Variants in GAB2 observed in about 807,000 individuals in gnomAD.
GAB2 encodes GRB2 associated binding protein 2.
In GAB2, 26 loss-of-function variants were observed where a neutral mutation model predicts 65.5. That is an observed-to-expected ratio of 0.40 (90% CI 0.29 to 0.55). The LOEUF (loss-of-function observed/expected upper bound fraction) is 0.55, where lower values mean the gene tolerates loss of function less well. Ranked by LOEUF, GAB2 falls within the 20% of genes least tolerant of loss-of-function variation. The pLI, the probability that GAB2 is intolerant of heterozygous loss-of-function variation, is 0.53. For synonymous variants in GAB2, 321 were observed against 329.6 expected (o/e 0.97, Z 0.28); for missense variants, 884 against 875.8 (o/e 1.01, Z -0.12).
intron 1 of GAB2, among the ~76,000 whole-genome samples, chr11:78,337,344 G>T (rs572689419): frequency 2.6e-5 from 4 of 152,186 alleles, no homozygotes; most frequent in Admixed American, 6.5e-5. Context: ...TACTATGCGG[G>T]GGTTTCCTTT....
intron 1 of GAB2, among the ~76,000 whole-genome samples, chr11:78,391,181 G>A (rs1202601818): frequency 6.6e-6 from 1 of 152,174 alleles, no homozygotes; most frequent in Non-Finnish European, 1.5e-5. Flanking sequence ...TGTGGTCCCA[G>A]CTGTCCAGGA....
intron 1 of GAB2, among the ~76,000 whole-genome samples, chr11:78,408,253 C>T (rs1317705954): frequency 1.3e-5 from 2 of 151,964 alleles, no homozygotes; most frequent in East Asian, 3.9e-4. Context: ...GGCAAAAGGA[C>T]ATAAAGGGAG....
intron 3 of GAB2, among the ~76,000 whole-genome samples, chr11:78,241,258 G>A (rs1353668114): frequency 1.3e-5 from 2 of 152,216 alleles, no homozygotes; most frequent in East Asian, 3.8e-4. Flanking sequence ...TGGAAACACA[G>A]TCATCACATC....
chr11:78,220,540 G>C, intron 8 of GAB2, 96 bp from the exon 9 acceptor site: 19 of 1,081,166 alleles, frequency 1.8e-5, no homozygotes, highest in Non-Finnish European at 2.5e-5. Flanking sequence ...CTGTTTCCCT[G>C]AGCCCTACTC....
At chr11:78,324,697 T>C (rs1855791640) in intron 1 of GAB2, 1 of 152,208 alleles carries the variant, frequency 6.6e-6, no homozygotes, top group African/African-American at 2.4e-5. Context: ...GAATCCTTAT[T>C]CCCATTTTCC....
intron 1 of GAB2, among the ~76,000 whole-genome samples, chr11:78,322,783 C>T (rs1855749942): frequency 6.9e-6 from 1 of 145,982 alleles, no homozygotes; most frequent in African/African-American, 2.6e-5. Flanking sequence ...CTCAGAATGG[C>T]TATTACTGAA....
chr11:78,398,608 A>G (rs570196238), intron 1 of GAB2, among the ~76,000 whole-genome samples: 2 of 152,222 alleles, frequency 1.3e-5, no homozygotes, highest in African/African-American at 4.8e-5. Flanking sequence ...CTATGTAGAT[A>G]TAAGTGAAAA....
intron 1 of GAB2, among the ~76,000 whole-genome samples, chr11:78,379,660 G>A (rs775260390): frequency 4.6e-5 from 7 of 152,216 alleles, no homozygotes; most frequent in Non-Finnish European, 7.3e-5. Context: ...ACTGTTGAGA[G>A]TGTCTTACAG....
At chr11:78,296,456 A>G (rs902318953) in intron 1 of GAB2, among the ~76,000 whole-genome samples, 4 of 152,184 alleles carry the variant, frequency 2.6e-5, no homozygotes, top group African/African-American at 9.6e-5. Context: ...TAATACATGT[A>G]TTTTCTCAGT....
chr11:78,255,423 C>A (rs1003187573), intron 2 of GAB2, among the ~76,000 whole-genome samples: 1 of 152,142 alleles, frequency 6.6e-6, no homozygotes, highest in African/African-American at 2.4e-5. Context: ...AAACATCAAA[C>A]AAGGTTTTCT....
intron 3 of GAB2, among the ~76,000 whole-genome samples, chr11:78,246,265 G>A (rs1865295109): frequency 6.6e-6 from 1 of 152,088 alleles, no homozygotes; most frequent in South Asian, 2.1e-4. Context: ...AGTTTCAAGT[G>A]TGTTTTCCTT....
intron 1 of GAB2, among the ~76,000 whole-genome samples, chr11:78,390,516 G>C (rs1465277921): frequency 6.6e-6 from 1 of 152,190 alleles, no homozygotes; most frequent in African/African-American, 2.4e-5. Context: ...TTGAACCAGG[G>C]AGGCGGAGGT....
chr11:78,254,676 G>A (rs1041662338), intron 2 of GAB2, among the ~76,000 whole-genome samples: 3 of 152,068 alleles, frequency 2.0e-5, no homozygotes, highest in Non-Finnish European at 4.4e-5. Context: ...GTGTGTGCCT[G>A]TAGGCCTAGC....
intron 1 of GAB2, among the ~76,000 whole-genome samples, chr11:78,305,730 A>G (rs1184164793): frequency 6.6e-6 from 1 of 152,204 alleles, no homozygotes; most frequent in Non-Finnish European, 1.5e-5. Context: ...TAGTTTTTAG[A>G]TAATTTTTCA....
At chr11:78,412,993 G>A (rs1355272564) in intron 1 of GAB2, among the ~76,000 whole-genome samples, 1 of 152,180 alleles carries the variant, frequency 6.6e-6, no homozygotes, top group African/African-American at 2.4e-5. Flanking sequence ...TGGGTGACGG[G>A]GAGTCAAAGA....
chr11:78,234,019 T>G (rs1565118667), intron 3 of GAB2, among the ~76,000 whole-genome samples: 1 of 152,234 alleles, frequency 6.6e-6, no homozygotes, highest in Non-Finnish European at 1.5e-5. Context: ...GCTTTTTCTG[T>G]CCTATATAAA....
chr11:78,382,836 G>T (rs982046754), intron 1 of GAB2, among the ~76,000 whole-genome samples: 1 of 152,190 alleles, frequency 6.6e-6, no homozygotes, highest in East Asian at 1.9e-4. Flanking sequence ...CAAGGAACTC[G>T]ATTAGAAGTC....
At chr11:78,292,332 G>GC (rs1316666239) in intron 1 of GAB2, among the ~76,000 whole-genome samples, 2 of 152,184 alleles carry the variant, frequency 1.3e-5, no homozygotes, top group Non-Finnish European at 1.5e-5. Context: ...TACAACCTTA[G>GC]CCACAAGGCA....
At chr11:78,255,530 CT>C (rs1865572378) in intron 2 of GAB2, among the ~76,000 whole-genome samples, 1 of 152,180 alleles carries the variant, frequency 6.6e-6, no homozygotes, top group African/African-American at 2.4e-5. Flanking sequence ...CCGAGTACCC[CT>C]GCTACTTCTT....
Sources: gnomAD v4.1 joint callset for allele counts (sites outside exome capture counted in the v4.1 genomes callset) on GRCh38, gnomAD v4.1.1 for gene constraint, MANE v1.5 for transcripts, NCBI Gene and HGNC (gene_info 2026-07-23, HGNC 2026-07-21) for gene names.